Variants in KIF16B observed in about 807,000 individuals in gnomAD.
The protein encoded by KIF16B is kinesin-like protein KIF16B.
KIF16B carries 98 observed loss-of-function variants against 156.3 expected under a neutral mutation model. That is an observed-to-expected ratio of 0.63 (90% CI 0.53 to 0.74). The LOEUF (loss-of-function observed/expected upper bound fraction) is 0.74, where lower values mean the gene tolerates loss of function less well. Ranked by LOEUF, KIF16B falls within the 30% of genes least tolerant of loss-of-function variation. KIF16B has a pLI of 0.00. For missense variants in KIF16B, 1,421 were observed against 1,606.5 expected (o/e 0.88, Z 1.97); for synonymous variants, 564 against 583.7 (o/e 0.97, Z 0.49).
chr20:16,439,995 A>G (rs1165441885), intron 12 of KIF16B, among the ~76,000 whole-genome samples: 1 of 152,126 alleles, frequency 6.6e-6, no homozygotes, highest in East Asian at 1.9e-4. Flanking sequence ...GACAAAGCTT[A>G]TTTCCTATGC....
intron 3 of KIF16B, among the ~76,000 whole-genome samples, chr20:16,519,224 GACCAGGC>G (rs1265203086): frequency 2.6e-5 from 4 of 152,028 alleles, no homozygotes; most frequent in African/African-American, 9.7e-5. Flanking sequence ...CCTTCTTTCA[GACCAGGC>G]ACCACCTCTC....
intron 12 of KIF16B, among the ~76,000 whole-genome samples, chr20:16,434,852 T>A (rs1229307563): frequency 6.6e-6 from 1 of 152,122 alleles, no homozygotes; most frequent in Non-Finnish European, 1.5e-5. Flanking sequence ...CATCATAAAG[T>A]GCACATAATT....
intron 15 of KIF16B, among the ~76,000 whole-genome samples, chr20:16,413,897 G>C (rs1420323758): frequency 6.6e-6 from 1 of 151,976 alleles, no homozygotes; most frequent in Non-Finnish European, 1.5e-5. Context: ...AACTGAGGTA[G>C]GGCAGGTAAA....
At chr20:16,538,713 T>C (rs2070075757) in intron 1 of KIF16B, among the ~76,000 whole-genome samples, 1 of 152,206 alleles carries the variant, frequency 6.6e-6, no homozygotes. Flanking sequence ...AAAATCCTAT[T>C]GACATAGTTT....
chr20:16,458,547 T>G (rs2067268920), intron 12 of KIF16B, among the ~76,000 whole-genome samples: 1 of 152,216 alleles, frequency 6.6e-6, no homozygotes, highest in South Asian at 2.1e-4. Context: ...CGGAAAACTC[T>G]GTCTTTATGA....
intron 22 of KIF16B, among the ~76,000 whole-genome samples, chr20:16,364,664 C>T (rs543604408): frequency 1.3e-5 from 2 of 152,306 alleles, no homozygotes; most frequent in South Asian, 4.1e-4. Context: ...ACTTACTTCA[C>T]AGAGAGTAAA....
intron 17 of KIF16B, among the ~76,000 whole-genome samples, chr20:16,387,766 G>A (rs2065263381): frequency 6.6e-6 from 1 of 152,190 alleles, no homozygotes; most frequent in Non-Finnish European, 1.5e-5. Flanking sequence ...AGCAGGCAGA[G>A]GAAGGGTGGT....
intron 1 of KIF16B, among the ~76,000 whole-genome samples, chr20:16,557,924 C>T (rs958431376): frequency 4.6e-5 from 7 of 152,138 alleles, no homozygotes; most frequent in African/African-American, 1.7e-4. Flanking sequence ...CAGAAATGGT[C>T]CCAGTGCTCA....
intron 25 of KIF16B, among the ~76,000 whole-genome samples, chr20:16,279,400 A>G (rs2063112408): frequency 6.6e-6 from 1 of 152,098 alleles, no homozygotes; most frequent in Non-Finnish European, 1.5e-5. Flanking sequence ...GTTTCAGGAG[A>G]GCCTTTGGTC....
chr20:16,370,706 T>TAA, intron 21 of KIF16B, 70 bp from the exon 22 acceptor site: 1 of 1,112,262 alleles, frequency 9.0e-7, no homozygotes, highest in Non-Finnish European at 1.3e-6. Flanking sequence ...CTGATTCGAT[T>TAA]ACAAGTATTT....
intron 25 of KIF16B, among the ~76,000 whole-genome samples, chr20:16,283,714 G>A (rs1417766927): frequency 6.6e-6 from 1 of 152,166 alleles, no homozygotes; most frequent in Non-Finnish European, 1.5e-5. Flanking sequence ...ATTAGCTCAT[G>A]GTTCTGTGGG....
rs370814736 is a variant in KIF16B at position 16,371,666 on chromosome 20, T to G, written c.3446A>C (p.Lys1149Thr). Reference sequence around the variant, plus strand: ...TGTTACTTGGCTCCTTCAGCTTACCTTCATCGTGTCTGCAGATGTACTGCA... The same window carrying G: ...TGTTACTTGGCTCCTTCAGCTTACCGTCATCGTGTCTGCAGATGTACTGCA... ...EGCSTSADTMKDNEKLHNGTI... is the reference protein window; with the variant it reads ...EGCSTSADTMTDNEKLHNGTI... The change falls in exon 21 of 26, where the codon AAG becomes ACG. Residue 1149 changes from lysine (K) to threonine (T), a missense_variant and splice_region_variant. Transcript: ENST00000354981. 6.2e-7 allele frequency: 1 copy of G among 1,605,292 alleles called. No homozygotes were observed. Among genetic ancestry groups the G allele is most frequent in the Non-Finnish European group, 8.5e-7 (1 of 1,172,546 alleles).
chr20:16,310,165 A>G (rs894110550), intron 25 of KIF16B, among the ~76,000 whole-genome samples: 1 of 152,256 alleles, frequency 6.6e-6, no homozygotes, highest in African/African-American at 2.4e-5. Flanking sequence ...GTAAGTGCTT[A>G]TTTCCATAAG....
At chr20:16,350,088 T>A (rs1406243545) in intron 23 of KIF16B, among the ~76,000 whole-genome samples, 2 of 152,244 alleles carry the variant, frequency 1.3e-5, no homozygotes, top group African/African-American at 2.4e-5. Flanking sequence ...CAGAGCAGAA[T>A]GAGACAAGAG....
At chr20:16,333,345 A>G (rs2063982711) in intron 24 of KIF16B, among the ~76,000 whole-genome samples, 1 of 152,106 alleles carries the variant, frequency 6.6e-6, no homozygotes, top group African/African-American at 2.4e-5. Flanking sequence ...CTCATGCCAC[A>G]CTATCACAAG....
rs771666093 is a variant in KIF16B, at chr20:16,379,902, CTCT to C, written c.2097_2099del (p.Glu700del). 8.7e-6 allele frequency: 14 copies of C among 1,614,030 alleles called. No individual in the cohort carries two copies. The highest frequency in any genetic ancestry group is 1.7e-5 in the Admixed American group (1 of 59,998). ...GTTCTTCTTGGACGCGGAGAAAGGT[CTCT>C]TCTTCTTGTCTCTTCTTCTGCAGCT... On this transcript the variant is annotated inframe_deletion, in exon 19 of 26. Transcript: ENST00000354981.
chr20:16,435,131 C>G (rs2066609428), intron 12 of KIF16B, among the ~76,000 whole-genome samples: 1 of 152,000 alleles, frequency 6.6e-6, no homozygotes, highest in Non-Finnish European at 1.5e-5. Context: ...CTAAAATATC[C>G]TTGTAAGTCA....
chr20:16,533,980 G>T (rs1036904082), intron 1 of KIF16B, among the ~76,000 whole-genome samples: 1 of 152,110 alleles, frequency 6.6e-6, no homozygotes, highest in Non-Finnish European at 1.5e-5. Context: ...TAAAGATGTG[G>T]CTGGGCACAA....
intron 1 of KIF16B, among the ~76,000 whole-genome samples, chr20:16,561,016 G>C (rs6034532): frequency 6.6e-6 from 1 of 151,762 alleles, no homozygotes; most frequent in Non-Finnish European, 1.5e-5. Flanking sequence ...GAGGCCGGGC[G>C]CAGTGGCTCA....
Sources: allele counts gnomAD v4.1 joint callset (sites outside exome capture counted in the v4.1 genomes callset), GRCh38; gene constraint gnomAD v4.1.1; transcripts MANE v1.5; gene names NCBI Gene and HGNC (gene_info 2026-07-23, HGNC 2026-07-21).